PSMD1: variants seen among roughly 807,000 people sequenced by gnomAD.
PSMD1 encodes the protein 26S proteasome non-ATPase regulatory subunit 1.
PSMD1 carries 18 observed loss-of-function variants against 119.0 expected under a neutral mutation model. The ratio of observed to expected loss-of-function variants is 0.15; its 90% confidence interval spans 0.10 to 0.22. PSMD1 has a LOEUF of 0.22. Among genes scored for constraint, PSMD1 ranks in the 10% least tolerant of loss-of-function variants. PSMD1 has a pLI of 1.00. For missense variants in PSMD1, 702 were observed against 1,158.5 expected, an observed-to-expected ratio of 0.61 and a Z score of 5.72; for synonymous variants, 374 against 396.6, an observed-to-expected ratio of 0.94 and a Z score of 0.68.
At chr2:231,145,507 AT>A (rs888715310) in intron 17 of PSMD1, among the ~76,000 whole-genome samples, 41 of 152,214 alleles carry the variant, frequency 2.7e-4, no homozygotes, top group African/African-American at 9.4e-4. Context: ...AAATGTATAC[AT>A]TTTTTCTTCA....
chr2:231,131,116 A>G (rs867031430), intron 16 of PSMD1, among the ~76,000 whole-genome samples: 103 of 152,048 alleles, frequency 6.8e-4, no homozygotes, highest in African/African-American at 2.4e-3. Context: ...TTTGTTTCCC[A>G]TGGTATGAAT....
At chr2:231,162,758 CAG>C (rs550499662) in intron 20 of PSMD1, among the ~76,000 whole-genome samples, 238 of 149,970 alleles carry the variant, frequency 1.6e-3, no homozygotes, top group African/African-American at 5.5e-3. Flanking sequence ...ACCCAGGAGT[CAG>C]AGGTTGCAGT....
chr2:231,114,055 C>T lies in PSMD1; in HGVS notation c.1884-24681C>T, dbSNP rs1695250834. The T allele has an allele frequency of 5.4e-6, 4 of 743,678 alleles. No individual in the cohort carries two copies. In the African/African-American group the frequency reaches 7.0e-5, roughly 13 times the overall value. The allele number at this position is 743,678 out of a possible 1,614,324, so 46.1% of individuals were successfully genotyped here. A position where few individuals can be genotyped will look rare whatever the true frequency, so the allele number is the denominator to read the frequency against. On this transcript the variant is annotated intron_variant, in intron 16 of 24. Coordinates refer to ENST00000308696, the MANE Select transcript of PSMD1 (RefSeq NM_002807.4). The stretch of plus-strand genomic sequence containing the variant: ...ATCTGAAATTTTATAACTTTAACAA[C>T]ATAATGTTTAACTTCAGATAATGGA...
chr2:231,085,063 T>G lies in PSMD1; in HGVS notation c.1767T>G (p.Ala589=). ...CTGGAATGTATACTGTAGCCATGGC[T>G]TATTGTGGCTCTGGTAACAACAAAG... ...RRSGMYTVAM[A]YCGSGNNKAI... is the part of the protein sequence containing the mutation. The change falls in exon 15 of 25, where the codon GCT becomes GCG. Residue 589 remains alanine, a synonymous_variant. Transcript: ENST00000308696. The G allele has an allele frequency of 1.2e-6, 2 of 1,614,098 alleles. No homozygotes were observed. Among genetic ancestry groups the G allele is most frequent in the Non-Finnish European group, 8.5e-7 (1 of 1,179,942 alleles).
chr2:231,113,183 CA>C (rs1559235820), intron 16 of PSMD1, among the ~76,000 whole-genome samples: 2 of 151,794 alleles, frequency 1.3e-5, no homozygotes, highest in Non-Finnish European at 2.9e-5. Context: ...AAAAACAAAC[CA>C]AAAAAACCCA....
chr2:231,144,120 A>G (rs1239068043), intron 17 of PSMD1, among the ~76,000 whole-genome samples: 1 of 152,168 alleles, frequency 6.6e-6, no homozygotes. Flanking sequence ...GACAGGGTCA[A>G]CTATGTTGCG....
chr2:231,114,305 G>A (rs1380578241), intron 16 of PSMD1, among the ~76,000 whole-genome samples: 1 of 152,092 alleles, frequency 6.6e-6, no homozygotes, highest in Non-Finnish European at 1.5e-5. Flanking sequence ...TTAAGTAGCT[G>A]TTGTATAAAA....
In PSMD1 at chr2:231,153,614, T is replaced by G. The variant is rs1375338679; in HGVS notation, c.2166T>G (p.Asp722Glu). 1.2e-6 allele frequency: 2 copies of G among 1,613,880 alleles called. No individual in the cohort carries two copies. Among genetic ancestry groups the G allele is most frequent in the Non-Finnish European group, 1.7e-6 (2 of 1,179,924 alleles). ...LYSKVINDKH[D>E]DVMAKFGAIL... The stretch of plus-strand genomic sequence containing the variant: ...CCAAAGTCATCAATGATAAGCATGA[T>G]GATGTCATGGCCAAGTTTGGCGCTA... Residue 722 changes from aspartate (D) to glutamate (E), a missense_variant, in exon 19 of 25, where the codon GAT becomes GAG. By Grantham distance (45) the Asp-to-Glu change is conservative. Coordinates refer to ENST00000308696, the MANE Select transcript of PSMD1 (RefSeq NM_002807.4).
chr2:231,140,886 A>T (rs1696090938), intron 17 of PSMD1, among the ~76,000 whole-genome samples: 1 of 149,120 alleles, frequency 6.7e-6, no homozygotes, highest in South Asian at 2.1e-4. Flanking sequence ...CTCAAAAAAA[A>T]GGCCAGGTGT....
intron 16 of PSMD1, chr2:231,113,697 A>T: frequency 6.3e-7 from 1 of 1,584,014 alleles, no homozygotes; most frequent in Non-Finnish European, 8.7e-7. Flanking sequence ...AAGATTTTGT[A>T]TACCACCCAC....
intron 17 of PSMD1, among the ~76,000 whole-genome samples, chr2:231,140,418 C>T (rs375662449): frequency 6.6e-6 from 1 of 150,840 alleles, no homozygotes; most frequent in Non-Finnish European, 1.5e-5. Context: ...ATTGCTTGAA[C>T]CCAGGAGGCA....
At chr2:231,078,905 C>T (rs1224847112) in intron 10 of PSMD1, among the ~76,000 whole-genome samples, 158 bp downstream of exon 10, 2 of 150,542 alleles carry the variant, frequency 1.3e-5, no homozygotes, top group African/African-American at 2.5e-5. Flanking sequence ...GGCGATTCTC[C>T]TGCCTCAGCC....
chr2:231,070,094 C>G lies in PSMD1; in HGVS notation c.580C>G (p.Arg194Gly). 1 of 1,576,320 alleles carries G rather than the reference C, an allele frequency of 6.3e-7. No individual in the cohort carries two copies. The highest frequency in any genetic ancestry group is 8.6e-7 in the Non-Finnish European group (1 of 1,164,982). ...CMSLMQNKQF[R>G]NKVLRVLVKI... ...GTCTTTAATGCAGAATAAACAGTTT[C>G]GGAATAAAGTACTAAGAGTTCTAGT... Residue 194 changes from arginine (R) to glycine (G), a missense_variant, in exon 6 of 25, where the codon CGG (arginine) becomes GGG (glycine). Physicochemically the swap from Arg to Gly is moderately radical, Grantham distance 125 (BLOSUM62 -2). Around this residue, in one of 9 missense-constraint regions of PSMD1, gnomAD observed 58 missense variants for 54.0 expected, o/e 1.07. Coordinates refer to ENST00000308696, the MANE Select transcript of PSMD1 (RefSeq NM_002807.4).
Position 231,070,051 on chromosome 2 carries a change from T to C in PSMD1, c.537T>C (p.Tyr179=), listed in dbSNP as rs1694004635. The C allele has an allele frequency of 2.7e-6, 4 of 1,490,284 alleles. No individual in the cohort carries two copies. Among genetic ancestry groups the C allele is most frequent in the Middle Eastern group, 1.8e-4 (1 of 5,514 alleles). 92.3% of individuals were successfully genotyped at this position (1,490,284 alleles called of 1,614,324 possible). Reference sequence around the variant, plus strand: ...ATGATGTCCCAGGAATGTTAGCTTATAGCCTTAAGCTCTGCATGTCTTTAA... The same window carrying C: ...ATGATGTCCCAGGAATGTTAGCTTACAGCCTTAAGCTCTGCATGTCTTTAA... ...ESNDVPGMLA[Y]SLKLCMSLMQ... Residue 179 remains tyrosine, a synonymous_variant, in exon 6 of 25, where the codon TAT becomes TAC. Transcript: ENST00000308696.
At chr2:231,104,570 C>A in intron 16 of PSMD1, among the ~76,000 whole-genome samples, 1 of 152,060 alleles carries the variant, frequency 6.6e-6, no homozygotes, top group East Asian at 1.9e-4. Flanking sequence ...TAGTTTACTG[C>A]CATTTCCCTA....
At chr2:231,150,836 T>C (rs1696362033) in intron 18 of PSMD1, among the ~76,000 whole-genome samples, 1 of 152,148 alleles carries the variant, frequency 6.6e-6, no homozygotes, top group East Asian at 1.9e-4. Flanking sequence ...TGATCCTTGA[T>C]GTACAGCTAC....
intron 16 of PSMD1, chr2:231,123,658 G>C (rs1695633425): frequency 1.2e-6 from 2 of 1,613,706 alleles, no homozygotes; most frequent in Non-Finnish European, 1.7e-6. Context: ...TATTGATTCT[G>C]TCTGTAATCC....
chr2:231,095,664 A>T (rs1465223398), intron 16 of PSMD1, among the ~76,000 whole-genome samples: 1 of 152,230 alleles, frequency 6.6e-6, no homozygotes, highest in African/African-American at 2.4e-5. Flanking sequence ...CTGGTATGGT[A>T]AATGCAAATT....
At chr2:231,078,788 T>TTTA in intron 10 of PSMD1, 41 bp downstream of exon 10, 18 of 1,226,154 alleles carry the variant, frequency 1.5e-5, no homozygotes, top group East Asian at 2.6e-5. Flanking sequence ...TCAAAATCTT[T>TTTA]TTCTTTTTTT....
Sources: gnomAD v4.1 joint callset for allele counts (sites outside exome capture counted in the v4.1 genomes callset) on GRCh38, gnomAD v4.1.1 for gene constraint, gnomAD v4.1.1 regional missense constraint, MANE v1.5 for transcripts, NCBI Gene and HGNC (gene_info 2026-07-23, HGNC 2026-07-21) for gene names.